The following TSPAN18 variants were observed in gnomAD, a reference collection of about 807,000 sequenced individuals.
The protein encoded by TSPAN18 is tetraspanin 18, also known as tetraspanin-18.
In TSPAN18, 14 loss-of-function variants were observed where a neutral mutation model predicts 27.3. The ratio of observed to expected loss-of-function variants is 0.51; its 90% confidence interval spans 0.34 to 0.80. The LOEUF (loss-of-function observed/expected upper bound fraction) is 0.80. Among genes scored for constraint, TSPAN18 ranks in the 30% least tolerant of loss-of-function variants. The pLI, the probability that TSPAN18 is intolerant of heterozygous loss-of-function variation, is 0.01. For synonymous variants in TSPAN18, 143 were observed against 136.5 expected (o/e 1.05, Z -0.33); for missense variants, 268 against 323.9 (o/e 0.83, Z 1.32).
rs1564992116 is a variant in TSPAN18, at chr11:44,908,757, AG to A, written c.64-947del. ...AAAAAAGAAAGAAAGAGAGAGAGAGAGAGAGAGAAAGGAGAAAGAAAGAAAG... is the reference window on the plus strand; with the variant it reads ...AAAAAAGAAAGAAAGAGAGAGAGAGAAGAGAGAAAGGAGAAAGAAAGAAAG... On this transcript the variant is annotated intron_variant, in intron 4 of 9. Coordinates refer to ENST00000520358, the MANE Select transcript of TSPAN18 (RefSeq NM_130783.5). Among the ~76,000 whole-genome samples, 351 of 70,326 alleles carry A rather than the reference AG, an allele frequency of 5.0e-3. 34 individuals are homozygous for A. The highest frequency in any genetic ancestry group is 0.015 in the African/African-American group (344 of 22,598). 46.1% of individuals were successfully genotyped at this position (70,326 alleles called of 152,430 possible). A position where few individuals can be genotyped will look rare whatever the true frequency, so the allele number is the denominator to read the frequency against.
intron 1 of TSPAN18, among the ~76,000 whole-genome samples, chr11:44,729,100 T>C (rs1854590057): frequency 1.3e-5 from 2 of 152,204 alleles, no homozygotes; most frequent in African/African-American, 4.8e-5. Flanking sequence ...TGTTGGATGC[T>C]ACTGAAATGC....
At chr11:44,857,532 G>T (rs1303092940) in intron 2 of TSPAN18, among the ~76,000 whole-genome samples, 1 of 152,234 alleles carries the variant, frequency 6.6e-6, no homozygotes, top group Non-Finnish European at 1.5e-5. Context: ...GGAGCAGGTA[G>T]CTAGAGAGTG....
intron 8 of TSPAN18, among the ~76,000 whole-genome samples, chr11:44,922,199 C>A (rs1442129325): frequency 6.6e-6 from 1 of 151,156 alleles, no homozygotes; most frequent in Non-Finnish European, 1.5e-5. Flanking sequence ...TCACTGCAAC[C>A]TCCACCTCCA....
chr11:44,899,827 G>C (rs1859193164), intron 3 of TSPAN18, among the ~76,000 whole-genome samples: 1 of 152,190 alleles, frequency 6.6e-6, no homozygotes, highest in Admixed American at 6.5e-5. Context: ...CACCCACACT[G>C]CTACTCTCCC....
At chr11:44,892,448 G>A (rs536486152) in intron 3 of TSPAN18, among the ~76,000 whole-genome samples, 1 of 152,338 alleles carries the variant, frequency 6.6e-6, no homozygotes, top group East Asian at 1.9e-4. Flanking sequence ...AGTGACCTCC[G>A]TGCTTCTGTG....
At chr11:44,924,097 T>TTGTGTGCGTGTG (rs1491267205) in intron 8 of TSPAN18, among the ~76,000 whole-genome samples, 3 of 145,774 alleles carry the variant, frequency 2.1e-5, no homozygotes, top group African/African-American at 7.7e-5. Flanking sequence ...CCTTCTGGGG[T>TTGTGTGCGTGTG]TGTGTGTGTG....
At chr11:44,917,047 A>C (rs1286476007) in intron 5 of TSPAN18, among the ~76,000 whole-genome samples, 1 of 152,200 alleles carries the variant, frequency 6.6e-6, no homozygotes, top group Non-Finnish European at 1.5e-5. Flanking sequence ...TCATCCATGT[A>C]AGAGTCCTGC....
At chr11:44,863,671 C>G (rs1857956465) in intron 3 of TSPAN18, among the ~76,000 whole-genome samples, 1 of 152,316 alleles carries the variant, frequency 6.6e-6, no homozygotes, top group African/African-American at 2.4e-5. Context: ...AGCCTCCTGG[C>G]CTATAGTTTG....
At chr11:44,909,651 C>T in intron 4 of TSPAN18, 54 bp from the exon 5 acceptor site, 1 of 1,563,316 alleles carries the variant, frequency 6.4e-7, no homozygotes, top group East Asian at 2.3e-5. Flanking sequence ...TCAGAAGTGC[C>T]TAACCTCCCT....
At chr11:44,756,140 G>A (rs577168526) in intron 1 of TSPAN18, among the ~76,000 whole-genome samples, 10 of 152,210 alleles carry the variant, frequency 6.6e-5, no homozygotes, top group South Asian at 2.1e-4. Flanking sequence ...TCTGAAATCC[G>A]ACTGACTTGG....
At chr11:44,864,338 C>T (rs1389076017) in intron 3 of TSPAN18, among the ~76,000 whole-genome samples, 1 of 151,904 alleles carries the variant, frequency 6.6e-6, no homozygotes, top group Non-Finnish European at 1.5e-5. Context: ...CACACCCCTC[C>T]CATCTCCGAA....
At chr11:44,764,992 A>G (rs1428702774) in intron 2 of TSPAN18, among the ~76,000 whole-genome samples, 2 of 152,186 alleles carry the variant, frequency 1.3e-5, no homozygotes, top group Non-Finnish European at 2.9e-5. Context: ...ACCACATTCC[A>G]TGGTGAAACT....
intron 1 of TSPAN18, among the ~76,000 whole-genome samples, chr11:44,731,995 C>T (rs954477703): frequency 2.0e-5 from 3 of 152,264 alleles, no homozygotes; most frequent in Admixed American, 2.0e-4. Context: ...CTAGAAGACA[C>T]TTTCGACTTT....
intron 3 of TSPAN18, among the ~76,000 whole-genome samples, chr11:44,896,861 CT>C (rs1859076498): frequency 6.6e-6 from 1 of 152,184 alleles, no homozygotes; most frequent in Non-Finnish European, 1.5e-5. Context: ...GGCACAGCCC[CT>C]GGCACATAGT....
chr11:44,897,948 C>T, intron 3 of TSPAN18: 1 of 973,792 alleles, frequency 1.0e-6, no homozygotes, highest in Non-Finnish European at 1.4e-6. Flanking sequence ...CTCCTTCGGT[C>T]TTTCCCTCTC....
At chr11:44,782,993 T>C (rs765492341) in intron 2 of TSPAN18, among the ~76,000 whole-genome samples, 1 of 152,094 alleles carries the variant, frequency 6.6e-6, no homozygotes, top group Non-Finnish European at 1.5e-5. Context: ...CATGCCTGGC[T>C]AATTTTTGTA....
At chr11:44,851,040 A>G (rs1857587724) in intron 2 of TSPAN18, among the ~76,000 whole-genome samples, 1 of 152,212 alleles carries the variant, frequency 6.6e-6, no homozygotes, top group Non-Finnish European at 1.5e-5. Context: ...TGTGGCTAGA[A>G]CAACGGTTTC....
chr11:44,833,158 T>C (rs1325109961), intron 2 of TSPAN18, among the ~76,000 whole-genome samples: 1 of 151,982 alleles, frequency 6.6e-6, no homozygotes, highest in Non-Finnish European at 1.5e-5. Context: ...CTGGCTGTCC[T>C]GGACACAATG....
intron 2 of TSPAN18, among the ~76,000 whole-genome samples, chr11:44,828,966 C>G (rs989594187): frequency 2.4e-4 from 37 of 152,188 alleles, no homozygotes; most frequent in African/African-American, 8.9e-4. Flanking sequence ...TCTTGCCCCT[C>G]TCATCAATCC....
Sources: gnomAD v4.1 joint callset for allele counts (sites outside exome capture counted in the v4.1 genomes callset) on GRCh38, gnomAD v4.1.1 for gene constraint, MANE v1.5 for transcripts, NCBI Gene and HGNC (gene_info 2026-07-23, HGNC 2026-07-21) for gene names.